LY96: variants seen among roughly 807,000 people sequenced by gnomAD.
LY96 encodes the protein myeloid differentiation protein-2.
Under a neutral mutation model 18.9 loss-of-function variants are expected in LY96, and 18 were observed. That is an observed-to-expected ratio of 0.95 (90% CI 0.66 to 1.41). The LOEUF is 1.41. Among genes scored for constraint, LY96 ranks in the 40% most tolerant of loss-of-function variants. The pLI is 0.00. For missense variants in LY96, 175 were observed against 182.4 expected (o/e 0.96, Z 0.23); for synonymous variants, 66 against 62.6 (o/e 1.06, Z -0.26).
Position 74,022,995 on chromosome 8 carries a change from C to A in LY96, c.332-3794C>A, listed in dbSNP as rs573958616. Among the ~76,000 whole-genome samples, 145 of 152,220 alleles carry A rather than the reference C, an allele frequency of 9.5e-4. 1 individual carries two copies. The highest frequency in any genetic ancestry group is 3.4e-3 in the African/African-American group (140 of 41,518). ...TGACCAGAGTCCAGGGCCCCATATA[C>A]GGAAGGGCCCCATGCTTGGGGTTTA... On this transcript the variant is annotated intron_variant, in intron 3 of 4. Coordinates refer to ENST00000284818, the MANE Select transcript of LY96 (RefSeq NM_015364.5).
the LY96 span, among the ~76,000 whole-genome samples, chr8:74,091,462 A>G: frequency 6.6e-6 from 1 of 152,118 alleles, no homozygotes; most frequent in African/African-American, 2.4e-5. Context: ...GGCAGAGTAA[A>G]CCTCACCCTA....
the LY96 span, among the ~76,000 whole-genome samples, chr8:74,068,089 A>AAAATATATATATATAT: frequency 1.5e-5 from 1 of 67,932 alleles, no homozygotes; most frequent in African/African-American, 9.6e-5. Context: ...AAAAAAAAAA[A>AAAATATATATATATAT]ATATATATAT....
chr8:74,090,994 G>A, the LY96 span, among the ~76,000 whole-genome samples: 1 of 152,190 alleles, frequency 6.6e-6, no homozygotes, highest in Non-Finnish European at 1.5e-5. Context: ...TGGTATATAT[G>A]TGTATCGTCA....
At chr8:74,086,263 T>C in the LY96 span, among the ~76,000 whole-genome samples, 2 of 152,196 alleles carry the variant, frequency 1.3e-5, no homozygotes, top group African/African-American at 2.4e-5. Flanking sequence ...CTTTTCCAGC[T>C]CTTAATACCA....
the LY96 span, among the ~76,000 whole-genome samples, chr8:74,039,130 G>A: frequency 2.0e-5 from 3 of 152,172 alleles, no homozygotes; most frequent in East Asian, 5.8e-4. Context: ...GATCAATGAA[G>A]TTGAACACCT....
chr8:74,080,625 C>T, the LY96 span, among the ~76,000 whole-genome samples: 3 of 152,316 alleles, frequency 2.0e-5, no homozygotes, highest in East Asian at 5.8e-4. Flanking sequence ...TTTATTCCTC[C>T]CACACTGTTA....
chr8:73,997,979 T>TAG (rs1816185688), intron 1 of LY96, among the ~76,000 whole-genome samples: 1 of 152,212 alleles, frequency 6.6e-6, no homozygotes, highest in African/African-American at 2.4e-5. Context: ...TATGGGGTGT[T>TAG]CATCATGTAG....
chr8:74,044,106 A>G, the LY96 span, among the ~76,000 whole-genome samples: 1 of 152,252 alleles, frequency 6.6e-6, no homozygotes, highest in Non-Finnish European at 1.5e-5. Context: ...GTGCCAGAGC[A>G]AACATGAGAA....
At chr8:74,096,368 T>C in the LY96 span, among the ~76,000 whole-genome samples, 1 of 152,196 alleles carries the variant, frequency 6.6e-6, no homozygotes, top group Non-Finnish European at 1.5e-5. Flanking sequence ...TCAGACACCA[T>C]GGCCTCTTTG....
At chr8:74,045,336 G>C in the LY96 span, among the ~76,000 whole-genome samples, 3 of 152,086 alleles carry the variant, frequency 2.0e-5, no homozygotes, top group African/African-American at 7.2e-5. Context: ...AAACACGAAG[G>C]CTACAATAAA....
chr8:74,080,418 T>A, the LY96 span, among the ~76,000 whole-genome samples: 7 of 152,300 alleles, frequency 4.6e-5, no homozygotes, highest in East Asian at 1.2e-3. Flanking sequence ...GGTTTTGCTT[T>A]ATGGCTGAGT....
chr8:74,033,072 G>A (rs968868341), downstream of LY96, among the ~76,000 whole-genome samples: 1 of 152,096 alleles, frequency 6.6e-6, no homozygotes, highest in Admixed American at 6.6e-5. Flanking sequence ...TTTTACATGG[G>A]CACCCTGGGT....
chr8:74,056,986 T>C, the LY96 span, among the ~76,000 whole-genome samples: 1 of 152,234 alleles, frequency 6.6e-6, no homozygotes, highest in Non-Finnish European at 1.5e-5. Flanking sequence ...TAAGTTATTA[T>C]ATAAGCATTA....
At chr8:74,009,374 C>CA (rs370593442) in intron 2 of LY96, among the ~76,000 whole-genome samples, 3,365 of 58,390 alleles carry the variant, frequency 0.058, 64 homozygotes, top group East Asian at 0.11. Context: ...CAGTCTTTCT[C>CA]AAAAAAAAAA....
At chr8:74,079,104 G>A in the LY96 span, among the ~76,000 whole-genome samples, 1 of 152,208 alleles carries the variant, frequency 6.6e-6, no homozygotes, top group Non-Finnish European at 1.5e-5. Context: ...AAGTGGCTGG[G>A]CATCATCCAA....
chr8:74,092,206 T>C, the LY96 span, among the ~76,000 whole-genome samples: 1 of 152,202 alleles, frequency 6.6e-6, no homozygotes, highest in Non-Finnish European at 1.5e-5. Context: ...TATTTTTGCA[T>C]TCAAGGAAGA....
chr8:74,071,338 A>G, the LY96 span, among the ~76,000 whole-genome samples: 2 of 152,118 alleles, frequency 1.3e-5, no homozygotes, highest in Non-Finnish European at 1.5e-5. Context: ...TAGAATCAGA[A>G]AATAGTTCCA....
intron 3 of LY96, among the ~76,000 whole-genome samples, chr8:74,023,822 T>C (rs865971723): frequency 5.3e-5 from 8 of 152,316 alleles, no homozygotes; most frequent in Middle Eastern, 3.4e-3. Flanking sequence ...ACTGGCATTG[T>C]ATTATAAAAA....
At chr8:74,079,059 G>C in the LY96 span, among the ~76,000 whole-genome samples, 2 of 152,242 alleles carry the variant, frequency 1.3e-5, no homozygotes, top group African/African-American at 4.8e-5. Context: ...ATTAGCATTT[G>C]AATCAGTAGA....
Sources: allele counts gnomAD v4.1 joint callset (sites outside exome capture counted in the v4.1 genomes callset), GRCh38; gene constraint gnomAD v4.1.1; transcripts MANE v1.5; gene names NCBI Gene and HGNC (gene_info 2026-07-23, HGNC 2026-07-21).